CFAP92: variants seen among roughly 807,000 people sequenced by gnomAD.
The protein encoded by CFAP92 is cilia and flagella associated protein 92 (putative).
In CFAP92, 86 loss-of-function variants were observed where a neutral mutation model predicts 106.3. That is an observed-to-expected ratio of 0.81 (90% CI 0.68 to 0.97). The LOEUF (loss-of-function observed/expected upper bound fraction) is 0.97. Ranked by LOEUF, CFAP92 falls within the 50% of genes least tolerant of loss-of-function variation. The pLI is 0.00. For missense variants in CFAP92, 1,204 were observed against 1,283.8 expected, an observed-to-expected ratio of 0.94 and a Z score of 0.95; for synonymous variants, 477 against 506.4, an observed-to-expected ratio of 0.94 and a Z score of 0.78.
intron 12 of CFAP92, among the ~76,000 whole-genome samples, chr3:128,924,432 CTTTTTTTTTTTTTTT>C (rs71153151): frequency 1.1e-4 from 8 of 69,824 alleles, no homozygotes; most frequent in African/African-American, 2.8e-4. Flanking sequence ...ACGATTGTAT[CTTTTTTTTTTTTTTT>C]TTTTTTTTTT....
At chr3:129,016,576 A>C in the CFAP92 span, among the ~76,000 whole-genome samples, 1 of 151,782 alleles carries the variant, frequency 6.6e-6, no homozygotes, top group Non-Finnish European at 1.5e-5. Flanking sequence ...CCTTCTGTGG[A>C]TTCCAGACTC....
chr3:128,928,836 A>G (rs1252153911), intron 12 of CFAP92, among the ~76,000 whole-genome samples: 1 of 152,156 alleles, frequency 6.6e-6, no homozygotes, highest in Admixed American at 6.5e-5. Context: ...TTCTTATACC[A>G]TTAAGAAAAA....
At chr3:128,976,833 C>A in intron 6 of CFAP92, 146 bp downstream of exon 6, 1 of 654,626 alleles carries the variant, frequency 1.5e-6, no homozygotes, top group Non-Finnish European at 2.8e-6. Flanking sequence ...TAAACACAAG[C>A]TACCCCTTCC....
rs780776263 is a variant in CFAP92, at chr3:128,993,218, G to A, written c.87C>T (p.Ser29=). Residue 29 remains serine, a synonymous_variant, in exon 2 of 16, where the codon AGC becomes AGT. Transcript: ENST00000645291. ...SSITSFYQST[S]ECDVEEHLKA... ...TCAGGTGTTCCTCCACGTCACACTC[G>A]CTCGTGGACTGGTAAAAGCTAGTGA... 1.2e-6 allele frequency: 2 copies of A among 1,613,938 alleles called. No homozygotes were observed. The highest frequency in any genetic ancestry group is 1.3e-5 in the African/African-American group (1 of 74,952).
At position 128,977,816 on chromosome 3, in the gene CFAP92, G is replaced by A. The variant is rs60277821; in HGVS notation, c.808+229C>T. Among the ~76,000 whole-genome samples, 4,946 of 152,302 alleles carry A rather than the reference G, an allele frequency of 0.032. 248 individuals are homozygous for A. Among genetic ancestry groups the A allele is most frequent in the African/African-American group, 0.11 (4,430 of 41,546 alleles). On this transcript the variant is annotated intron_variant, in intron 5 of 15. Coordinates refer to ENST00000645291, the MANE Select transcript of CFAP92 (RefSeq NM_001394090.1). ...AGAGGTTGCAGTGAGCCAAGATCGT[G>A]CCATTGCATTCCAGCCTGGGGGACA... is the stretch of plus-strand genomic sequence containing the variant.
intron 9 of CFAP92, among the ~76,000 whole-genome samples, chr3:128,954,784 T>G (rs1941207557): frequency 2.0e-4 from 1 of 5,068 alleles, no homozygotes; most frequent in Admixed American, 1.7e-3. Context: ...GTCTGGGAGG[T>G]GAGGGGCGCC....
At chr3:128,983,188 C>T (rs1943637315) in intron 4 of CFAP92, among the ~76,000 whole-genome samples, 1 of 152,080 alleles carries the variant, frequency 6.6e-6, no homozygotes, top group Non-Finnish European at 1.5e-5. Flanking sequence ...TGGATAAGGC[C>T]CCTGTTCTCC....
intron 8 of CFAP92, chr3:128,966,568 C>CT (rs1197235481): frequency 0.019 from 2,441 of 126,692 alleles, 81 homozygotes; most frequent in African/African-American, 0.061. Flanking sequence ...AATGCTTTTT[C>CT]TTTTTTTTTT....
chr3:129,005,417 G>C (rs886834589), upstream of CFAP92, among the ~76,000 whole-genome samples: 2 of 152,252 alleles, frequency 1.3e-5, no homozygotes, highest in African/African-American at 4.8e-5. Flanking sequence ...TGGCTGGAGG[G>C]GTAGAGCTGA....
At chr3:128,986,661 C>T (rs1220663631) in intron 4 of CFAP92, among the ~76,000 whole-genome samples, 2 of 152,294 alleles carry the variant, frequency 1.3e-5, no homozygotes, top group East Asian at 3.9e-4. Context: ...CCCAGGTAGA[C>T]CACGCCGGTC....
chr3:128,945,251 T>C lies in CFAP92; in HGVS notation c.2078A>G (p.Tyr693Cys). 2 of 1,536,032 alleles carry C rather than the reference T, an allele frequency of 1.3e-6. No homozygotes were observed. The highest frequency in any genetic ancestry group is 8.7e-7 in the Non-Finnish European group (1 of 1,146,890). ...GATCTGCTGCAGGGTCCTGACAGGG[T>C]AGGAGTCCAGGCCGAGGGCCTTAGC... is the stretch of plus-strand genomic sequence containing the variant. Reference protein sequence around the residue: ...INAKALGLDSYPVRTLQQILS... With the variant: ...INAKALGLDSCPVRTLQQILS... The change falls in exon 10 of 16, where the codon TAC (tyrosine) becomes TGC (cysteine). Residue 693 changes from tyrosine to cysteine, a missense_variant. Physicochemically the swap from Tyr to Cys is radical, Grantham distance 194 (BLOSUM62 -2). Coordinates refer to ENST00000645291, the MANE Select transcript of CFAP92 (RefSeq NM_001394090.1).
intron 10 of CFAP92, among the ~76,000 whole-genome samples, chr3:128,935,643 C>T (rs922698041): frequency 6.6e-6 from 1 of 152,052 alleles, no homozygotes; most frequent in Admixed American, 6.6e-5. Flanking sequence ...ACCTAGGAGG[C>T]GGAGGTTGTG....
chr3:128,965,011 G>T (rs916314336), intron 9 of CFAP92, among the ~76,000 whole-genome samples: 3 of 152,354 alleles, frequency 2.0e-5, no homozygotes, highest in Admixed American at 1.3e-4. Flanking sequence ...TGACTTGCAC[G>T]TATACATCCA....
chr3:129,025,709 G>A, the CFAP92 span, among the ~76,000 whole-genome samples: 1 of 152,144 alleles, frequency 6.6e-6, no homozygotes, highest in East Asian at 1.9e-4. Context: ...GGCAATGGGA[G>A]AAGCAGTTGA....
In CFAP92 at chr3:128,945,566, C is replaced by T; in HGVS notation, c.1763G>A (p.Ser588Asn). 4 of 1,536,170 alleles carry T rather than the reference C, an allele frequency of 2.6e-6. No homozygotes were observed. The highest frequency in any genetic ancestry group is 2.6e-6 in the Non-Finnish European group (3 of 1,146,920). ...KYLNLAVPIH[S>N]CEVQPTHCGQ... The stretch of plus-strand genomic sequence containing the variant: ...GCAGTGTGTGGGCTGAACCTCACAG[C>T]TGTGGATGGGGACGGCCAGATTCAA... The change falls in exon 10 of 16, where the codon AGC becomes AAC. Residue 588 changes from serine (S) to asparagine (N), a missense_variant. Transcript: ENST00000645291.
chr3:128,976,253 T>G (rs113772691), intron 6 of CFAP92, among the ~76,000 whole-genome samples: 2,284 of 152,018 alleles, frequency 0.015, 50 homozygotes, highest in Admixed American at 0.039. Flanking sequence ...CTATAAAACA[T>G]CTAAGAATTC....
rs571085668 is a variant in CFAP92, at chr3:128,916,181, C to A, written c.2842G>T (p.Val948Phe). The stretch of plus-strand genomic sequence containing the variant: ...ATGGTCTGGGTACTATAGTTGTAGA[C>A]GGCCTTGTTGGCAGGGGCTGAAATT... ...IKISAPANKAVYNYSTQTMNS... is the reference protein window; with the variant it reads ...IKISAPANKAFYNYSTQTMNS... The change falls in exon 13 of 16, where the codon GTC (valine) becomes TTC (phenylalanine). Residue 948 changes from valine (V) to phenylalanine (F), a missense_variant. By Grantham distance (50) the Val-to-Phe change is conservative. Transcript: ENST00000645291. 1.7e-5 allele frequency: 21 copies of A among 1,232,114 alleles called. 1 individual carries two copies. The East Asian group carries it at 3.5e-4, about 20-fold the overall frequency. 76.3% of individuals were successfully genotyped at this position (1,232,114 alleles called of 1,614,324 possible).
intron 4 of CFAP92, 128 bp downstream of exon 4, chr3:128,987,488 C>G (rs951932909): frequency 5.1e-5 from 39 of 765,634 alleles, no homozygotes; most frequent in African/African-American, 3.5e-4. Flanking sequence ...GGATGCCCTG[C>G]AACATCTGCA....
intron 10 of CFAP92, among the ~76,000 whole-genome samples, chr3:128,942,349 G>A (rs1939717392): frequency 6.6e-6 from 1 of 152,228 alleles, no homozygotes; most frequent in Admixed American, 6.5e-5. Context: ...CGGCATGCAA[G>A]CACACTGCAG....
Sources: allele counts gnomAD v4.1 joint callset (sites outside exome capture counted in the v4.1 genomes callset), GRCh38; gene constraint gnomAD v4.1.1; transcripts MANE v1.5; gene names NCBI Gene and HGNC (gene_info 2026-07-23, HGNC 2026-07-21).